The following HNF4G variants were observed in gnomAD, a reference collection of about 807,000 sequenced individuals.
The protein encoded by HNF4G is hepatocyte nuclear factor 4 gamma.
Under a neutral mutation model 50.9 loss-of-function variants are expected in HNF4G, and 21 were observed. The observed-to-expected ratio is 0.41, with a 90% CI of 0.29 to 0.59. HNF4G has a LOEUF of 0.59. HNF4G is among the 20% of genes least tolerant of loss of function. The pLI is 0.26. For synonymous variants in HNF4G, 198 were observed against 185.6 expected, an observed-to-expected ratio of 1.07 and a Z score of -0.54; for missense variants, 527 against 559.4, an observed-to-expected ratio of 0.94 and a Z score of 0.58.
chr8:75,520,175 G>A (rs1041921766), intron 2 of HNF4G, among the ~76,000 whole-genome samples: 4 of 151,898 alleles, frequency 2.6e-5, no homozygotes, highest in African/African-American at 9.7e-5. Flanking sequence ...GTAAAAGGTG[G>A]AAAACACTTT....
At chr8:75,534,428 A>T (rs1161461542) in intron 2 of HNF4G, among the ~76,000 whole-genome samples, 1 of 151,640 alleles carries the variant, frequency 6.6e-6, no homozygotes, top group Non-Finnish European at 1.5e-5. Context: ...AGCTTTTTTT[A>T]CTCAGAGCAT....
intron 1 of HNF4G, among the ~76,000 whole-genome samples, chr8:75,470,968 T>C (rs1812100395): frequency 6.6e-6 from 1 of 152,200 alleles, no homozygotes; most frequent in Non-Finnish European, 1.5e-5. Context: ...TTGTCACAAC[T>C]GTATGGCTTT....
Position 75,483,146 on chromosome 8 carries a change from C to T in HNF4G, c.-143-6943C>T, listed in dbSNP as rs575693816. Among the ~76,000 whole-genome samples the T allele has an allele frequency of 6.6e-5, 10 of 152,178 alleles. No homozygotes were observed. In the South Asian group the frequency reaches 2.1e-3, roughly 32 times the overall value. ...AGCTCTTTAATGAGGAAATGGACAA[C>T]AGCATGTTATGTTTTGCTAAAATAA... is the stretch of plus-strand genomic sequence containing the variant. On this transcript the variant is annotated intron_variant, in intron 1 of 10. Coordinates refer to the HNF4G transcript ENST00000354370.
At chr8:75,562,462 T>C (rs1001148066) in intron 9 of HNF4G, among the ~76,000 whole-genome samples, 4 of 152,022 alleles carry the variant, frequency 2.6e-5, no homozygotes, top group Non-Finnish European at 5.9e-5. Context: ...ATTTAACAGA[T>C]AATCAATAGC....
intron 1 of HNF4G, among the ~76,000 whole-genome samples, chr8:75,468,376 A>G (rs566546436): frequency 6.6e-6 from 1 of 152,244 alleles, no homozygotes; most frequent in Admixed American, 6.5e-5. Context: ...CTTTGTGTTC[A>G]TTTAATGAAT....
intron 1 of HNF4G, among the ~76,000 whole-genome samples, chr8:75,448,909 T>C (rs1471262776): frequency 6.6e-6 from 1 of 152,188 alleles, no homozygotes; most frequent in Non-Finnish European, 1.5e-5. Context: ...TTTAGCTCCC[T>C]AAAATGCAAA....
At position 75,566,118 on chromosome 8, in the gene HNF4G, AT is replaced by A. The variant is rs1483248936; in HGVS notation, c.*2025del. 1.9e-4 allele frequency: 29 copies of A among 152,282 alleles called. No individual in the cohort carries two copies. The highest frequency in any genetic ancestry group is 7.0e-4 in the African/African-American group (29 of 41,552). The allele number at this position is 152,282 out of a possible 1,614,324, so 9.4% of individuals were successfully genotyped here. ...ACTTGGCAGCTTATAAACAACAGAA[AT>A]TTATTTCTCGCTGTTCTCAATGGTG... On this transcript the variant is annotated 3_prime_UTR_variant, in exon 10 of 10. Transcript: ENST00000396423.
chr8:75,442,476 A>T (rs1282573002), intron 1 of HNF4G, among the ~76,000 whole-genome samples: 4 of 152,166 alleles, frequency 2.6e-5, no homozygotes, highest in Non-Finnish European at 5.9e-5. Context: ...TGGAAGGCCA[A>T]GGTGGGAGGA....
intron 3 of HNF4G, among the ~76,000 whole-genome samples, chr8:75,549,236 AAC>A (rs1806874398): frequency 6.6e-6 from 1 of 152,202 alleles, no homozygotes; most frequent in Non-Finnish European, 1.5e-5. Context: ...TTTTTACACT[AAC>A]AGCATAGTAG....
intron 2 of HNF4G, among the ~76,000 whole-genome samples, chr8:75,526,545 T>C (rs1313163032): frequency 6.6e-6 from 1 of 151,784 alleles, no homozygotes; most frequent in Non-Finnish European, 1.5e-5. Context: ...CTTCTTCTTC[T>C]TTTTTTGAGA....
intron 1 of HNF4G, among the ~76,000 whole-genome samples, chr8:75,448,570 A>C (rs915621358): frequency 6.6e-6 from 1 of 151,338 alleles, no homozygotes; most frequent in Non-Finnish European, 1.5e-5. Flanking sequence ...ATATGATGTA[A>C]GTATAATATG....
At chr8:75,492,397 G>A (rs764001208) in intron 2 of HNF4G, among the ~76,000 whole-genome samples, 2 of 152,178 alleles carry the variant, frequency 1.3e-5, no homozygotes, top group African/African-American at 4.8e-5. Flanking sequence ...GAATCTTAAT[G>A]AAAGATTAAA....
intron 1 of HNF4G, among the ~76,000 whole-genome samples, chr8:75,416,984 A>C (rs764439590): frequency 3.3e-5 from 5 of 152,204 alleles, no homozygotes; most frequent in Non-Finnish European, 5.9e-5. Context: ...GTCTGGCAAA[A>C]GGTGGATGTA....
chr8:75,443,683 A>G (rs1197487226), intron 1 of HNF4G, among the ~76,000 whole-genome samples: 1 of 152,202 alleles, frequency 6.6e-6, no homozygotes, highest in African/African-American at 2.4e-5. Flanking sequence ...ACTTATGAAA[A>G]GTAAGAACAT....
chr8:75,479,194 T>G (rs556652044), intron 1 of HNF4G, among the ~76,000 whole-genome samples: 4 of 152,188 alleles, frequency 2.6e-5, no homozygotes, highest in African/African-American at 9.7e-5. Context: ...TATATATCCC[T>G]TAGCTTTGCT....
chr8:75,471,575 C>A (rs2672862), intron 1 of HNF4G, among the ~76,000 whole-genome samples: 42,789 of 152,096 alleles, frequency 0.28, 6,618 homozygotes, highest in Middle Eastern at 0.47. Context: ...TGATAATTCT[C>A]CAGCCTGTTC....
At chr8:75,476,060 C>T (rs973907219) in intron 1 of HNF4G, among the ~76,000 whole-genome samples, 3 of 152,040 alleles carry the variant, frequency 2.0e-5, no homozygotes, top group Non-Finnish European at 4.4e-5. Context: ...GTGCATATTG[C>T]ACCCAAAAGA....
chr8:75,547,958 C>A lies in HNF4G; in HGVS notation c.382+277C>A, dbSNP rs759269434. Reference sequence around the variant, plus strand: ...ACAAAATTATTGACTAAATGGTATACCAATATTCTGTTAGTGGGTTGAAAT... The same window carrying A: ...ACAAAATTATTGACTAAATGGTATAACAATATTCTGTTAGTGGGTTGAAAT... On this transcript the variant is annotated intron_variant, in intron 3 of 9. Coordinates refer to ENST00000396423, the MANE Select transcript of HNF4G (RefSeq NM_004133.5). 2.6e-5 allele frequency among the ~76,000 whole-genome samples: 4 copies of A among 151,662 alleles called. No homozygotes were observed. In the South Asian group the frequency reaches 6.3e-4, roughly 24 times the overall value.
chr8:75,425,765 G>A (rs1197452697), intron 1 of HNF4G, among the ~76,000 whole-genome samples: 4 of 151,904 alleles, frequency 2.6e-5, no homozygotes, highest in South Asian at 4.2e-4. Context: ...GCCATTGGAT[G>A]AATATGCCAC....
Sources: gnomAD v4.1 joint callset for allele counts (sites outside exome capture counted in the v4.1 genomes callset) on GRCh38, gnomAD v4.1.1 for gene constraint, MANE v1.5 for transcripts, NCBI Gene and HGNC (gene_info 2026-07-23, HGNC 2026-07-21) for gene names.